RBFOX1: variants seen among roughly 807,000 people sequenced by gnomAD.
The protein encoded by RBFOX1 is RNA binding protein fox-1 homolog 1.
RBFOX1 carries 8 observed loss-of-function variants against 57.7 expected under a neutral mutation model. The observed-to-expected ratio is 0.14, with a 90% CI of 0.08 to 0.25. The LOEUF is 0.25. Among genes scored for constraint, RBFOX1 ranks in the 10% least tolerant of loss-of-function variants. The pLI, the probability that RBFOX1 is intolerant of heterozygous loss-of-function variation, is 1.00. For synonymous variants in RBFOX1, 326 were observed against 222.4 expected, an observed-to-expected ratio of 1.47 and a Z score of -4.15; for missense variants, 611 against 548.5, an observed-to-expected ratio of 1.11 and a Z score of -1.14.
rs2097073226 is a variant in RBFOX1 at position 6,182,660 on chromosome 16, G to T, written c.-126-134335G>T. Among the ~76,000 whole-genome samples the T allele has an allele frequency of 2.0e-5, 3 of 152,024 alleles. No individual in the cohort carries two copies. In the South Asian group the frequency reaches 6.2e-4, roughly 32 times the overall value. ...TATAACACATTGTGATTTTAAATATGTTTTAAAATATATTTTTGCAACAAA... is the reference window on the plus strand; with the variant it reads ...TATAACACATTGTGATTTTAAATATTTTTTAAAATATATTTTTGCAACAAA... On this transcript the variant is annotated intron_variant, in intron 1 of 15. Coordinates refer to ENST00000550418, the MANE Select transcript of RBFOX1 (RefSeq NM_018723.4).
intron 3 of RBFOX1, among the ~76,000 whole-genome samples, chr16:5,832,328 T>C (rs977134924): frequency 6.6e-6 from 1 of 151,974 alleles, no homozygotes; most frequent in African/African-American, 2.4e-5. Flanking sequence ...TAGGGAAGGG[T>C]GAATCCACAG....
intron 2 of RBFOX1, among the ~76,000 whole-genome samples, chr16:6,538,347 C>T (rs144316931): frequency 6.6e-6 from 1 of 152,106 alleles, no homozygotes; most frequent in African/African-American, 2.4e-5. Flanking sequence ...AATAAATTAG[C>T]TGAGTGTGGT....
chr16:6,970,986 T>C (rs1201625291), intron 3 of RBFOX1, among the ~76,000 whole-genome samples: 1 of 152,134 alleles, frequency 6.6e-6, no homozygotes, highest in Non-Finnish European at 1.5e-5. Context: ...CCTTATTTGA[T>C]CATAGAATGT....
intron 4 of RBFOX1, among the ~76,000 whole-genome samples, chr16:7,087,100 T>C (rs2060110256): frequency 6.6e-6 from 1 of 152,140 alleles, no homozygotes; most frequent in Non-Finnish European, 1.5e-5. Flanking sequence ...GTAATGAGTC[T>C]GGGGAGGCCT....
At chr16:7,233,198 C>G (rs1347142370) in intron 4 of RBFOX1, among the ~76,000 whole-genome samples, 2 of 148,562 alleles carry the variant, frequency 1.3e-5, no homozygotes, top group Admixed American at 1.4e-4. Flanking sequence ...CTCCTGCCAA[C>G]CTTGCTAAAC....
intron 3 of RBFOX1, among the ~76,000 whole-genome samples, chr16:5,680,791 C>A (rs374542827): frequency 8.5e-5 from 13 of 152,248 alleles, no homozygotes; most frequent in Admixed American, 3.3e-4. Context: ...TCATCCTCAA[C>A]AAATACTTGC....
At chr16:6,327,981 G>A (rs2082571792) in intron 2 of RBFOX1, among the ~76,000 whole-genome samples, 1 of 152,074 alleles carries the variant, frequency 6.6e-6, no homozygotes, top group Non-Finnish European at 1.5e-5. Flanking sequence ...TGATCTGGGT[G>A]GAAACGTATA....
At chr16:7,534,463 C>T (rs1220087771) in intron 5 of RBFOX1, among the ~76,000 whole-genome samples, 1 of 152,036 alleles carries the variant, frequency 6.6e-6, no homozygotes, top group East Asian at 1.9e-4. Context: ...GCAACTGATG[C>T]CTTTCTCTGA....
At chr16:7,704,161 G>C (rs1360311962) in intron 14 of RBFOX1, among the ~76,000 whole-genome samples, 4 of 152,136 alleles carry the variant, frequency 2.6e-5, no homozygotes, top group East Asian at 1.9e-4. Flanking sequence ...CTCAAACCTG[G>C]ATCTTTTTGC....
intron 4 of RBFOX1, among the ~76,000 whole-genome samples, chr16:7,162,468 GCCTGTAAC>G (rs2078530417): frequency 6.6e-6 from 1 of 151,296 alleles, no homozygotes; most frequent in Admixed American, 6.6e-5. Flanking sequence ...AGTAACTCAC[GCCTGTAAC>G]CCCAGCACTT....
chr16:6,175,503 C>CG (rs1216596014), intron 1 of RBFOX1, among the ~76,000 whole-genome samples: 156 of 151,368 alleles, frequency 1.0e-3, no homozygotes, highest in East Asian at 3.9e-3. Context: ...TTCTGTAGGT[C>CG]GGGGGGGTGG....
chr16:7,164,314 A>T (rs546743265), intron 4 of RBFOX1, among the ~76,000 whole-genome samples: 3 of 152,292 alleles, frequency 2.0e-5, no homozygotes, highest in African/African-American at 7.2e-5. Flanking sequence ...TTTATGGCTG[A>T]ATAGTATTCC....
intron 2 of RBFOX1, among the ~76,000 whole-genome samples, chr16:6,590,826 A>G (rs1851098071): frequency 8.4e-6 from 1 of 118,362 alleles, no homozygotes; most frequent in South Asian, 3.5e-4. Flanking sequence ...CAGCTCTGTC[A>G]TATTGGCAAG....
intron 1 of RBFOX1, among the ~76,000 whole-genome samples, chr16:5,334,107 C>T (rs371022409): frequency 9.2e-5 from 14 of 152,064 alleles, no homozygotes; most frequent in African/African-American, 2.9e-4. Context: ...GGGTTTAGGG[C>T]GAGAGCTTAT....
intron 2 of RBFOX1, among the ~76,000 whole-genome samples, chr16:5,506,328 T>G (rs1034269028): frequency 6.6e-6 from 1 of 152,202 alleles, no homozygotes; most frequent in Non-Finnish European, 1.5e-5. Context: ...AAGTCGCGGA[T>G]AGCTCCTCAC....
At chr16:7,672,358 A>G (rs1568388450) in intron 13 of RBFOX1, among the ~76,000 whole-genome samples, 1 of 152,212 alleles carries the variant, frequency 6.6e-6, no homozygotes, top group Non-Finnish European at 1.5e-5. Flanking sequence ...TACTTTCCCT[A>G]TCTCTGCAAT....
rs555035411 is a variant in RBFOX1 at position 6,233,576 on chromosome 16, A to T, written c.-126-83419A>T. On this transcript the variant is annotated intron_variant, in intron 1 of 15. Coordinates refer to ENST00000550418, the MANE Select transcript of RBFOX1 (RefSeq NM_018723.4). The stretch of plus-strand genomic sequence containing the variant: ...AGATTTAAATGTCCTCACCCTCTAC[A>T]TTGTTCACTAAGTCTCCACACCACA... 5.3e-5 allele frequency among the ~76,000 whole-genome samples: 8 copies of T among 152,174 alleles called. No homozygotes were observed. The East Asian group carries it at 1.4e-3, about 26-fold the overall frequency.
rs150099767 is a variant in RBFOX1 at position 6,237,952 on chromosome 16, G to A, written c.-126-79043G>A. 6.3e-3 allele frequency among the ~76,000 whole-genome samples: 953 copies of A among 151,726 alleles called. 4 individuals carry two copies. Among genetic ancestry groups the A allele is most frequent in the Middle Eastern group, 0.024 (7 of 294 alleles). ...CAAAAAGTACAAAAATTAGCCGGGCGTGGTGATGCGTGCCTGTAGTCCCAG... is the reference window on the plus strand; with the variant it reads ...CAAAAAGTACAAAAATTAGCCGGGCATGGTGATGCGTGCCTGTAGTCCCAG... On this transcript the variant is annotated intron_variant, in intron 1 of 15. Transcript: ENST00000550418.
rs1454100595 is a variant in RBFOX1 at position 7,100,562 on chromosome 16, G to GT, written c.27+48466dup. 9.1e-3 allele frequency among the ~76,000 whole-genome samples: 988 copies of GT among 108,646 alleles called. 8 individuals carry two copies. Among genetic ancestry groups the GT allele is most frequent in the Non-Finnish European group, 0.013 (740 of 55,510 alleles). The allele number at this position is 108,646 out of a possible 152,430, so 71.3% of individuals were successfully genotyped here. A position where few individuals can be genotyped will look rare whatever the true frequency, so the allele number is the denominator to read the frequency against. ...TTTGGGAAAACATGGGTTTTTAAAG[G>GT]TTGTTTTTTTTTTTTTTTTTTTTAG... On this transcript the variant is annotated intron_variant, in intron 4 of 15. Coordinates refer to ENST00000550418, the MANE Select transcript of RBFOX1 (RefSeq NM_018723.4).
Sources: gnomAD v4.1 joint callset for allele counts (sites outside exome capture counted in the v4.1 genomes callset) on GRCh38, gnomAD v4.1.1 for gene constraint, MANE v1.5 for transcripts, NCBI Gene and HGNC (gene_info 2026-07-23, HGNC 2026-07-21) for gene names.